INTS1: variants seen among roughly 807,000 people sequenced by gnomAD.
INTS1 encodes the protein integrator complex subunit 1.
Under a neutral mutation model 241.6 loss-of-function variants are expected in INTS1, and 137 were observed. The observed-to-expected ratio is 0.57, with a 90% CI of 0.49 to 0.65. The LOEUF (loss-of-function observed/expected upper bound fraction) is 0.65. Ranked by LOEUF, INTS1 falls within the 30% of genes least tolerant of loss-of-function variation. The pLI, the probability that INTS1 is intolerant of heterozygous loss-of-function variation, is 0.00. For synonymous variants in INTS1, 1,692 were observed against 1,337.8 expected (o/e 1.26, Z -5.78); for missense variants, 3,073 against 3,032.2 (o/e 1.01, Z -0.32).
At position 1,481,231 on chromosome 7, in the gene INTS1, C is replaced by T. The variant is rs1001629398; in HGVS notation, c.3850+111G>A. 1 of 1,268,434 alleles carries T rather than the reference C, an allele frequency of 7.9e-7. No homozygotes were observed. The highest frequency in any genetic ancestry group is 1.1e-6 in the Non-Finnish European group (1 of 894,270). 78.6% of individuals were successfully genotyped at this position (1,268,434 alleles called of 1,614,324 possible). On this transcript the variant is annotated intron_variant, in intron 28 of 47. Transcript: ENST00000404767. This position sits in a 1 kb window ranked among gnomAD's most constrained non-coding sequence, Gnocchi z 6.8. ...AGCCTGCCCTCGAGTGCCACCCACA[C>T]CCACCCGACCTCGGATCACCCACCC...
Position 1,498,738 on chromosome 7 carries a change from C to T in INTS1, c.1252G>A (p.Val418Ile). Residue 418 changes from valine (V) to isoleucine (I), a missense_variant, in exon 9 of 48, where the codon GTC becomes ATC. By Grantham distance (29) the Val-to-Ile change is conservative. Coordinates refer to ENST00000404767, the MANE Select transcript of INTS1 (RefSeq NM_001080453.3). ...HLIKIRLKPK[V>I]LLNHFMLCIR... ...CACAGCATGAAGTGGTTGAGGAGGA[C>T]CTTGGGCTTGAGGCGGATCTTGATC... 1 of 1,562,496 alleles carries T rather than the reference C, an allele frequency of 6.4e-7. No individual in the cohort carries two copies. Among genetic ancestry groups the T allele is most frequent in the Non-Finnish European group, 8.7e-7 (1 of 1,153,402 alleles).
chr7:1,496,128 CA>C (rs1477931344), intron 12 of INTS1, 27 bp downstream of exon 12: 2 of 1,583,874 alleles, frequency 1.3e-6, no homozygotes, highest in Non-Finnish European at 1.7e-6. Context: ...CCCCACCAAG[CA>C]GGGCCAGGCC....
In INTS1 at chr7:1,493,078, G is replaced by T. The variant is rs769316846; in HGVS notation, c.2097C>A (p.Thr699=). ...GATTCAGAACGGCGTCGATCAGCTG[G>T]GTCCTCCCCACCTTCAGCACCTCCA... ...DDVEVLKVGR[T]QLIDAVLNLC... The change falls in exon 16 of 48, where the codon ACC becomes ACA. Residue 699 remains threonine, a synonymous_variant. Transcript: ENST00000404767. The surrounding 1 kb of genome is among the most constrained non-coding windows in gnomAD (Gnocchi z 5.3). 1.2e-6 allele frequency: 2 copies of T among 1,613,478 alleles called. No individual in the cohort carries two copies. The highest frequency in any genetic ancestry group is 1.7e-6 in the Non-Finnish European group (2 of 1,179,650).
chr7:1,494,021 G>T, intron 14 of INTS1, 110 bp from the exon 15 acceptor site: 1 of 1,334,268 alleles, frequency 7.5e-7, no homozygotes. Context: ...GGTGGCAGAG[G>T]GCTGCTGCTG....
Position 1,471,213 on chromosome 7 carries a change from C to T in INTS1, c.6267G>A (p.Gln2089=), listed in dbSNP as rs2128531188. 6.3e-7 allele frequency: 1 copy of T among 1,578,486 alleles called. No homozygotes were observed. The highest frequency in any genetic ancestry group is 1.2e-5 in the South Asian group (1 of 85,958). Residue 2089 remains glutamine (Q), a synonymous_variant, in exon 46 of 48, where the codon CAG becomes CAA. Coordinates refer to ENST00000404767, the MANE Select transcript of INTS1 (RefSeq NM_001080453.3). The stretch of plus-strand genomic sequence containing the variant: ...ACTCCTCGGCCGAGCTCATCAGCCG[C>T]TGCAGGTTGGTCTGACCGGGGGAAA... The part of the protein sequence containing the change: ...EILSFFSTNL[Q]RLMSSAEECC...
At chr7:1,475,191 T>C (rs1175203071) in intron 39 of INTS1, among the ~76,000 whole-genome samples, 2 of 152,150 alleles carry the variant, frequency 1.3e-5, no homozygotes, top group Non-Finnish European at 2.9e-5. Context: ...AAGACTAGCC[T>C]GGGCAATGAA....
intron 41 of INTS1, among the ~76,000 whole-genome samples, 171 bp from the exon 42 acceptor site, chr7:1,473,864 G>A (rs559157077): frequency 2.0e-5 from 3 of 152,252 alleles, no homozygotes; most frequent in Non-Finnish European, 2.9e-5. Context: ...GGCCTGTCAG[G>A]GTGTGGACAT....
At chr7:1,488,619 C>A (rs556153464) in intron 18 of INTS1, among the ~76,000 whole-genome samples, 1 of 152,236 alleles carries the variant, frequency 6.6e-6, no homozygotes, top group African/African-American at 2.4e-5. Flanking sequence ...CCGATCCCAA[C>A]GCCACACACA....
At chr7:1,496,912 T>G (rs1019890004) in intron 11 of INTS1, among the ~76,000 whole-genome samples, 1 of 152,058 alleles carries the variant, frequency 6.6e-6, no homozygotes, top group African/African-American at 2.4e-5. Flanking sequence ...AGCCTAGGGG[T>G]TGCCAGTTCC....
intron 1 of INTS1, 136 bp from the exon 2 acceptor site, chr7:1,504,137 C>T (rs2128546588): frequency 1.8e-6 from 1 of 562,384 alleles, no homozygotes. Flanking sequence ...GGCGATGCTG[C>T]AGGAGCTGCA....
intron 40 of INTS1, 108 bp downstream of exon 40, chr7:1,474,597 C>CT (rs1331406028): frequency 4.0e-5 from 57 of 1,407,866 alleles, no homozygotes; most frequent in Middle Eastern, 2.5e-4. Context: ...TGGGAACATG[C>CT]TTTTTTTTGT....
At chr7:1,496,049 G>A (rs992267442) in intron 12 of INTS1, 107 bp downstream of exon 12, 33 of 793,930 alleles carry the variant, frequency 4.2e-5, no homozygotes, top group Admixed American at 1.4e-4. Context: ...CTGCGGGACC[G>A]CTCCTGCCGG....
intron 14 of INTS1, 64 bp downstream of exon 14, chr7:1,494,752 G>A (rs1020153473): frequency 5.6e-5 from 84 of 1,506,100 alleles, no homozygotes; most frequent in Non-Finnish European, 7.2e-5. Context: ...TGCCGCAGCC[G>A]GCCCGGCACC....
Position 1,471,560 on chromosome 7 carries a change from A to T in INTS1, c.6255+11T>A, listed in dbSNP as rs769798569. The T allele has an allele frequency of 1.9e-6, 3 of 1,611,802 alleles. No individual in the cohort carries two copies. The East Asian group carries it at 6.7e-5, about 36-fold the overall frequency. ...CTCCTCCCAGCTCTCCCTCAGCCCCATCCAGCTCACCGAGAAGAAGCTCAG... is the reference window on the plus strand; with the variant it reads ...CTCCTCCCAGCTCTCCCTCAGCCCCTTCCAGCTCACCGAGAAGAAGCTCAG... On this transcript the variant is annotated intron_variant, in intron 45 of 47. Coordinates refer to ENST00000404767, the MANE Select transcript of INTS1 (RefSeq NM_001080453.3).
At chr7:1,487,654 C>G in intron 19 of INTS1, 106 bp downstream of exon 19, 1 of 1,419,686 alleles carries the variant, frequency 7.0e-7, no homozygotes, top group Non-Finnish European at 9.7e-7. Flanking sequence ...CAGGTTCTGC[C>G]GCAGTGCGGT....
rs943934025 is a variant in INTS1 at position 1,498,964 on chromosome 7, C to A, written c.1137+11G>T. 2.3e-6 allele frequency: 3 copies of A among 1,330,744 alleles called. No individual in the cohort carries two copies. The highest frequency in any genetic ancestry group is 2.0e-6 in the Non-Finnish European group (2 of 1,016,278). The allele number at this position is 1,330,744 out of a possible 1,614,324, so 82.4% of individuals were successfully genotyped here. ...CCCTGCCCCGCCCACCCCCCCGGGG[C>A]GCCCCCGCACCTTGGGGTTCTGCAG... On this transcript the variant is annotated intron_variant, in intron 8 of 47. Transcript: ENST00000404767.
Position 1,499,717 on chromosome 7 carries a change from G to C in INTS1, c.685-85C>G. On this transcript the variant is annotated intron_variant, in intron 5 of 47. Coordinates refer to ENST00000404767, the MANE Select transcript of INTS1 (RefSeq NM_001080453.3). ...CACCCGCCTGCTGCCCGGGGACTGG[G>C]TGCCCAGGCGGCCCTCTCCAGCTTC... 3 of 1,495,310 alleles carry C rather than the reference G, an allele frequency of 2.0e-6. No individual in the cohort carries two copies. The South Asian group carries it at 3.9e-5, about 20-fold the overall frequency. 92.6% of individuals were successfully genotyped at this position (1,495,310 alleles called of 1,614,324 possible).
intron 18 of INTS1, among the ~76,000 whole-genome samples, chr7:1,488,570 AC>A (rs1304484077): frequency 1.9e-4 from 29 of 152,280 alleles, no homozygotes; most frequent in Non-Finnish European, 1.5e-5. Flanking sequence ...ATGGGCAGAC[AC>A]ATGCCCAGTC....
intron 30 of INTS1, 87 bp from the exon 31 acceptor site, chr7:1,479,771 G>C (rs543613718): frequency 1.5e-6 from 2 of 1,347,524 alleles, no homozygotes; most frequent in East Asian, 2.6e-5. Context: ...GTGCAGCTCC[G>C]TGCCAGAACC....
Sources: allele counts gnomAD v4.1 joint callset (sites outside exome capture counted in the v4.1 genomes callset), GRCh38; gene constraint gnomAD v4.1.1; non-coding constraint Gnocchi (gnomAD v3.1); transcripts MANE v1.5; gene names NCBI Gene and HGNC (gene_info 2026-07-23, HGNC 2026-07-21).